The following TRPS1 variants were observed in gnomAD, a reference collection of about 807,000 sequenced individuals.
TRPS1 encodes transcriptional repressor GATA binding 1, also known as zinc finger transcription factor Trps1.
In TRPS1, 6 loss-of-function variants were observed where a neutral mutation model predicts 101.2. That is an observed-to-expected ratio of 0.06 (90% CI 0.03 to 0.12). The LOEUF (loss-of-function observed/expected upper bound fraction) is 0.12. Among genes scored for constraint, TRPS1 ranks in the 10% least tolerant of loss-of-function variants. The pLI is 1.00. For missense variants in TRPS1, 1,363 were observed against 1,567.0 expected, an observed-to-expected ratio of 0.87 and a Z score of 2.20; for synonymous variants, 578 against 589.8, an observed-to-expected ratio of 0.98 and a Z score of 0.29.
intron 1 of TRPS1, chr8:115,637,109 G>C (rs1818787726): frequency 1.4e-5 from 4 of 283,510 alleles, no homozygotes; most frequent in Middle Eastern, 1.8e-3. Context: ...AGTAAGAATT[G>C]CACAGCTACA....
chr8:115,650,057 C>G (rs1017928101), intron 1 of TRPS1, among the ~76,000 whole-genome samples: 4 of 152,300 alleles, frequency 2.6e-5, no homozygotes, highest in African/African-American at 7.2e-5. Context: ...GCTACCAGAA[C>G]AGCAGGTCTA....
chr8:115,603,739 T>C lies in TRPS1; in HGVS notation c.2096+134A>G, dbSNP rs1289641476. ...CACCTGCAAATCTGTGATGAACTTT[T>C]ATGTGGTCTTCTCCTATAACTTCCC... On this transcript the variant is annotated intron_variant, in intron 4 of 6. Coordinates refer to ENST00000395715, the MANE Select transcript of TRPS1 (RefSeq NM_014112.5). 1.5e-5 allele frequency: 16 copies of C among 1,038,278 alleles called. No homozygotes were observed. In the South Asian group the frequency reaches 2.1e-4, roughly 13 times the overall value. 64.3% of individuals were successfully genotyped at this position (1,038,278 alleles called of 1,614,324 possible). A position where few individuals can be genotyped will look rare whatever the true frequency, so the allele number is the denominator to read the frequency against.
At chr8:115,481,509 T>C (rs1814751069) in intron 5 of TRPS1, among the ~76,000 whole-genome samples, 1 of 152,150 alleles carries the variant, frequency 6.6e-6, no homozygotes, top group Admixed American at 6.6e-5. Flanking sequence ...TATTGTTTCA[T>C]GATTCAAACA....
intron 5 of TRPS1, among the ~76,000 whole-genome samples, chr8:115,535,254 CAT>C (rs368747443): frequency 0.034 from 1,119 of 32,922 alleles, 57 homozygotes; most frequent in African/African-American, 0.14. Flanking sequence ...GCATATATAG[CAT>C]ATATATAGCA....
intron 5 of TRPS1, among the ~76,000 whole-genome samples, chr8:115,563,555 A>G (rs562340133): frequency 6.6e-6 from 1 of 152,272 alleles, no homozygotes; most frequent in Admixed American, 6.5e-5. Flanking sequence ...AAATGTAAAA[A>G]GAGAAACACT....
intron 5 of TRPS1, among the ~76,000 whole-genome samples, chr8:115,485,826 GGA>G (rs1157762127): frequency 1.3e-5 from 2 of 152,180 alleles, no homozygotes; most frequent in African/African-American, 2.4e-5. Flanking sequence ...AGGATGGTCA[GGA>G]GAGAGGAAAT....
chr8:115,513,901 A>G (rs1347002438), intron 5 of TRPS1, among the ~76,000 whole-genome samples: 1 of 151,668 alleles, frequency 6.6e-6, no homozygotes, highest in Admixed American at 6.6e-5. Flanking sequence ...AAGAAATAAA[A>G]GTGATACATA....
At chr8:115,665,271 G>A (rs73703362) in intron 1 of TRPS1, among the ~76,000 whole-genome samples, 11,248 of 152,148 alleles carry the variant, frequency 0.074, 1,236 homozygotes, top group African/African-American at 0.24. Flanking sequence ...TAAGACAAGC[G>A]TTTATAAAAA....
intron 1 of TRPS1, among the ~76,000 whole-genome samples, chr8:115,631,664 T>C (rs1004518932): frequency 6.7e-6 from 1 of 149,500 alleles, no homozygotes. Context: ...GATGGATGGA[T>C]GGATGGATGG....
At chr8:115,608,247 C>G (rs746888612) in intron 3 of TRPS1, among the ~76,000 whole-genome samples, 3 of 152,092 alleles carry the variant, frequency 2.0e-5, no homozygotes, top group Non-Finnish European at 4.4e-5. Flanking sequence ...CCCTTTAAAC[C>G]CAGCAGTTCC....
At chr8:115,622,875 T>C (rs1226597087) in intron 2 of TRPS1, among the ~76,000 whole-genome samples, 1 of 152,078 alleles carries the variant, frequency 6.6e-6, no homozygotes, top group East Asian at 1.9e-4. Context: ...ATTAGGAAAA[T>C]GGCAACATTT....
intron 1 of TRPS1, among the ~76,000 whole-genome samples, chr8:115,651,150 T>C (rs978543384): frequency 6.6e-6 from 1 of 152,246 alleles, no homozygotes; most frequent in Non-Finnish European, 1.5e-5. Context: ...GATTAGTTCA[T>C]AGTGTCTCAC....
At chr8:115,660,535 A>G (rs1811768732) in intron 1 of TRPS1, among the ~76,000 whole-genome samples, 2 of 151,894 alleles carry the variant, frequency 1.3e-5, no homozygotes, top group African/African-American at 4.8e-5. Context: ...ATGATACTAT[A>G]CTACTCACTA....
intron 5 of TRPS1, among the ~76,000 whole-genome samples, chr8:115,491,841 A>G (rs1469211395): frequency 2.6e-5 from 4 of 152,150 alleles, no homozygotes; most frequent in Non-Finnish European, 5.9e-5. Context: ...AACCAAACCA[A>G]TGACAGGTTC....
At chr8:115,459,462 C>G (rs954151598) in intron 5 of TRPS1, among the ~76,000 whole-genome samples, 1 of 151,916 alleles carries the variant, frequency 6.6e-6, no homozygotes, top group Non-Finnish European at 1.5e-5. Context: ...CCTCATTTAC[C>G]TAAGTTTTGA....
intron 1 of TRPS1, among the ~76,000 whole-genome samples, chr8:115,645,541 T>C (rs1398287870): frequency 6.6e-6 from 1 of 152,074 alleles, no homozygotes; most frequent in Non-Finnish European, 1.5e-5. Context: ...AACAACCTAC[T>C]GAAAAATAAG....
chr8:115,568,383 G>A (rs1158618416), intron 5 of TRPS1, among the ~76,000 whole-genome samples: 2 of 151,982 alleles, frequency 1.3e-5, no homozygotes, highest in Non-Finnish European at 1.5e-5. Context: ...TGACATAATT[G>A]TAAATTTTTC....
At chr8:115,607,432 T>A (rs1250933580) in intron 3 of TRPS1, among the ~76,000 whole-genome samples, 1 of 151,740 alleles carries the variant, frequency 6.6e-6, no homozygotes, top group East Asian at 1.9e-4. Context: ...GTGTTTTTTT[T>A]TTTTTGTTAA....
intron 5 of TRPS1, among the ~76,000 whole-genome samples, chr8:115,435,633 A>C (rs762393934): frequency 6.6e-6 from 1 of 152,098 alleles, no homozygotes; most frequent in Non-Finnish European, 1.5e-5. Context: ...GATGTAACTA[A>C]CAAAGCACTG....
Sources: gnomAD v4.1 joint callset for allele counts (sites outside exome capture counted in the v4.1 genomes callset) on GRCh38, gnomAD v4.1.1 for gene constraint, MANE v1.5 for transcripts, NCBI Gene and HGNC (gene_info 2026-07-23, HGNC 2026-07-21) for gene names.